Variants in ZNF609 observed in about 807,000 individuals in gnomAD.
ZNF609 encodes zinc finger protein 609.
A neutral mutation model predicts 109.5 loss-of-function variants in ZNF609; 11 were observed. That is an observed-to-expected ratio of 0.10 (90% CI 0.06 to 0.17). The LOEUF is 0.17. Among genes scored for constraint, ZNF609 ranks in the 10% least tolerant of loss-of-function variants. The pLI, the probability that ZNF609 is intolerant of heterozygous loss-of-function variation, is 1.00. For synonymous variants in ZNF609, 646 were observed against 662.0 expected, an observed-to-expected ratio of 0.98 and a Z score of 0.37; for missense variants, 1,559 against 1,772.4, an observed-to-expected ratio of 0.88 and a Z score of 2.16.
At chr15:64,530,017 C>T (rs1363377533) in intron 2 of ZNF609, among the ~76,000 whole-genome samples, 1 of 151,674 alleles carries the variant, frequency 6.6e-6, no homozygotes, top group African/African-American at 2.4e-5. Context: ...AGGCGTGAGC[C>T]ACTGCACCTG....
At chr15:64,648,204 A>T (rs1896363000) in intron 3 of ZNF609, among the ~76,000 whole-genome samples, 1 of 152,180 alleles carries the variant, frequency 6.6e-6, no homozygotes, top group Non-Finnish European at 1.5e-5. Context: ...AATACGTATA[A>T]GGCCATGCAG....
At chr15:64,617,517 T>C (rs1203578716) in intron 2 of ZNF609, among the ~76,000 whole-genome samples, 3 of 151,590 alleles carry the variant, frequency 2.0e-5, no homozygotes, top group Admixed American at 2.0e-4. Context: ...TCGCCAGGCA[T>C]GTCTGTAATC....
intron 2 of ZNF609, among the ~76,000 whole-genome samples, chr15:64,566,668 A>C (rs911744267): frequency 6.6e-6 from 1 of 152,216 alleles, no homozygotes; most frequent in African/African-American, 2.4e-5. Flanking sequence ...GATATAGAAG[A>C]GATAGGGAAA....
Position 64,683,643 on chromosome 15 carries a change from C to CCGTCA in ZNF609, c.*1958_*1962dup, listed in dbSNP as rs2083224529. On this transcript the variant is annotated 3_prime_UTR_variant, in exon 10 of 10. Transcript: ENST00000326648. ...TCCGTGGAAGTAGCTAGTGCAGACA[C>CCGTCA]CGTCATCCCACCCCACCTGAGTCAC... The CCGTCA allele has an allele frequency of 6.6e-6, 1 of 152,306 alleles. No homozygotes were observed. The highest frequency in any genetic ancestry group is 1.5e-5 in the Non-Finnish European group (1 of 68,132). 9.4% of individuals were successfully genotyped at this position (152,306 alleles called of 1,614,324 possible).
intron 4 of ZNF609, among the ~76,000 whole-genome samples, chr15:64,672,247 C>T (rs537423098): frequency 6.5e-4 from 97 of 149,560 alleles, no homozygotes; most frequent in African/African-American, 2.2e-3. Flanking sequence ...CTCCTGACCT[C>T]GTGATCCTCC....
intron 3 of ZNF609, among the ~76,000 whole-genome samples, chr15:64,638,015 T>TATATATATA (rs1264442722): frequency 1.4e-5 from 2 of 139,194 alleles, no homozygotes; most frequent in African/African-American, 5.2e-5. Context: ...TATATATATA[T>TATATATATA]AAAATATATA....
chr15:64,570,975 G>A lies in ZNF609; in HGVS notation c.748-51852G>A, dbSNP rs541727790. On this transcript the variant is annotated intron_variant, in intron 2 of 9. Coordinates refer to ENST00000326648, the MANE Select transcript of ZNF609 (RefSeq NM_015042.2). ...TGGGAGGCGGAAGTTGCAGTGAGCC[G>A]GGATCATGCCACTGCACTCCAGCCG... is the stretch of plus-strand genomic sequence containing the variant. Among the ~76,000 whole-genome samples the A allele has an allele frequency of 8.5e-5, 13 of 152,254 alleles. No homozygotes were observed. In the South Asian group the frequency reaches 1.2e-3, roughly 15 times the overall value.
intron 3 of ZNF609, among the ~76,000 whole-genome samples, chr15:64,659,801 A>AT: frequency 6.7e-6 from 1 of 148,998 alleles, no homozygotes. Context: ...TTTTCAAAAC[A>AT]TTTTTTTGGA....
At chr15:64,544,365 G>A (rs1894322695) in intron 2 of ZNF609, among the ~76,000 whole-genome samples, 1 of 152,086 alleles carries the variant, frequency 6.6e-6, no homozygotes, top group African/African-American at 2.4e-5. Context: ...TTGAGCACTG[G>A]ACTCATTTAA....
chr15:64,625,449 G>A (rs1895937333), intron 3 of ZNF609, among the ~76,000 whole-genome samples: 2 of 152,222 alleles, frequency 1.3e-5, no homozygotes, highest in South Asian at 2.1e-4. Flanking sequence ...GAACCCCGGA[G>A]GTGGAGGTTG....
intron 2 of ZNF609, among the ~76,000 whole-genome samples, chr15:64,603,211 A>G (rs1895532784): frequency 6.6e-6 from 1 of 151,220 alleles, no homozygotes; most frequent in South Asian, 2.1e-4. Context: ...GGCGTCAGAA[A>G]TCTTGAAGTC....
intron 2 of ZNF609, among the ~76,000 whole-genome samples, chr15:64,545,474 C>T (rs554793145): frequency 1.6e-4 from 24 of 152,236 alleles, no homozygotes; most frequent in African/African-American, 5.3e-4. Context: ...GCTGGGATTA[C>T]GGGCATTAGC....
intron 2 of ZNF609, among the ~76,000 whole-genome samples, chr15:64,583,217 G>A (rs954547822): frequency 2.0e-5 from 3 of 151,850 alleles, no homozygotes; most frequent in Admixed American, 1.3e-4. Flanking sequence ...ATTTTTAGTA[G>A]AGACGGGGTT....
In ZNF609 at chr15:64,650,255, GAA is replaced by G. The variant is rs111329104; in HGVS notation, c.974-20080_974-20079del. 6.9e-3 allele frequency among the ~76,000 whole-genome samples: 948 copies of G among 137,284 alleles called. 15 individuals are homozygous for G. Among genetic ancestry groups the G allele is most frequent in the African/African-American group, 0.024 (911 of 38,260 alleles). The allele number at this position is 137,284 out of a possible 152,430, so 90.1% of individuals were successfully genotyped here. A position where few individuals can be genotyped will look rare whatever the true frequency, so the allele number is the denominator to read the frequency against. On this transcript the variant is annotated intron_variant, in intron 3 of 9. Coordinates refer to ENST00000326648, the MANE Select transcript of ZNF609 (RefSeq NM_015042.2). ...CCCCTGTCTCTACTAAAATACAAAA[GAA>G]AAAAAAAAAATAAGCCAGGCATGGC...
chr15:64,485,274 T>C (rs758464763), intron 1 of ZNF609, among the ~76,000 whole-genome samples: 4 of 152,116 alleles, frequency 2.6e-5, no homozygotes, highest in Non-Finnish European at 4.4e-5. Context: ...TAATGTCAAG[T>C]GATGAAAAGA....
intron 2 of ZNF609, among the ~76,000 whole-genome samples, chr15:64,585,188 G>A (rs1021009972): frequency 2.6e-5 from 4 of 151,980 alleles, no homozygotes; most frequent in African/African-American, 7.2e-5. Context: ...AGTCAGGCGT[G>A]GTGATGCACG....
At chr15:64,611,894 G>A (rs923967131) in intron 2 of ZNF609, among the ~76,000 whole-genome samples, 1 of 151,474 alleles carries the variant, frequency 6.6e-6, no homozygotes, top group African/African-American at 2.4e-5. Flanking sequence ...CACCATGCCC[G>A]GCTAATTTTT....
At chr15:64,570,746 C>T (rs1022262067) in intron 2 of ZNF609, among the ~76,000 whole-genome samples, 2 of 152,164 alleles carry the variant, frequency 1.3e-5, no homozygotes, top group Middle Eastern at 3.4e-3. Context: ...TTAGTTTTGG[C>T]CAGGCGCAGT....
At chr15:64,656,871 C>G (rs573856105) in intron 3 of ZNF609, among the ~76,000 whole-genome samples, 3 of 152,192 alleles carry the variant, frequency 2.0e-5, no homozygotes, top group East Asian at 1.9e-4. Flanking sequence ...CCCTGCCCCC[C>G]ACCTCCAAGA....
Sources: allele counts gnomAD v4.1 joint callset (sites outside exome capture counted in the v4.1 genomes callset), GRCh38; gene constraint gnomAD v4.1.1; transcripts MANE v1.5; gene names NCBI Gene and HGNC (gene_info 2026-07-23, HGNC 2026-07-21).